MYEF2: variants seen among roughly 807,000 people sequenced by gnomAD.
MYEF2 encodes the protein myelin gene expression factor 2.
MYEF2 carries 37 observed loss-of-function variants against 75.2 expected under a neutral mutation model. That is an observed-to-expected ratio of 0.49 (90% CI 0.38 to 0.65). The LOEUF is 0.65. MYEF2 is among the 30% of genes least tolerant of loss of function. The probability of loss-of-function intolerance (pLI) is 0.00; values close to 1 mark genes in which losing one functional copy is unlikely to be tolerated. For missense variants in MYEF2, 634 were observed against 771.4 expected, an observed-to-expected ratio of 0.82 and a Z score of 2.11; for synonymous variants, 195 against 241.6, an observed-to-expected ratio of 0.81 and a Z score of 1.79.
At chr15:48,164,690 C>A (rs1473814214) in intron 5 of MYEF2, among the ~76,000 whole-genome samples, 1 of 152,070 alleles carries the variant, frequency 6.6e-6, no homozygotes, top group East Asian at 1.9e-4. Context: ...AACAGCCACC[C>A]CAAACTTTAG....
chr15:48,158,094 A>G (rs1472862614), intron 8 of MYEF2, 38 bp from the exon 9 acceptor site: 4 of 1,611,566 alleles, frequency 2.5e-6, no homozygotes, highest in Non-Finnish European at 3.4e-6. Context: ...TTAACATATT[A>G]CCACAAAGAA....
chr15:48,168,388 C>A (rs2140921621), intron 2 of MYEF2, among the ~76,000 whole-genome samples: 1 of 152,194 alleles, frequency 6.6e-6, no homozygotes, highest in East Asian at 1.9e-4. Context: ...TAACAAAATT[C>A]TTGGTGGCAT....
In MYEF2 at chr15:48,134,758, T is replaced by C; in HGVS notation, c.*8150A>G. 1.2e-6 allele frequency: 1 copy of C among 831,672 alleles called. No individual in the cohort carries two copies. Among genetic ancestry groups the C allele is most frequent in the Non-Finnish European group, 1.8e-6 (1 of 541,118 alleles). 51.5% of individuals were successfully genotyped at this position (831,672 alleles called of 1,614,324 possible). A position where few individuals can be genotyped will look rare whatever the true frequency, so the allele number is the denominator to read the frequency against. On this transcript the variant is annotated 3_prime_UTR_variant, in exon 17 of 17. Transcript: ENST00000324324. Reference sequence around the variant, plus strand: ...GTTAGAACACAATTTTACATTTTTTTCTCTAAGCAATATGCAAAAGATAAC... The same window carrying C: ...GTTAGAACACAATTTTACATTTTTTCCTCTAAGCAATATGCAAAAGATAAC...
rs927504821 is a variant in MYEF2 at position 48,149,903 on chromosome 15, C to A, written c.1379-532G>T. Reference sequence around the variant, plus strand: ...CTTATCTTTCACCTCAGCATCTTCACCTCTGTTTCCCAGTTTTTATTCTCA... The same window carrying A: ...CTTATCTTTCACCTCAGCATCTTCAACTCTGTTTCCCAGTTTTTATTCTCA... On this transcript the variant is annotated intron_variant, in intron 14 of 16. Coordinates refer to ENST00000324324, the MANE Select transcript of MYEF2 (RefSeq NM_016132.5). This position sits in a 1 kb window ranked among gnomAD's most constrained non-coding sequence, Gnocchi z 4.0. The A allele has an allele frequency of 6.6e-6, 1 of 152,332 alleles. No homozygotes were observed. The highest frequency in any genetic ancestry group is 1.5e-5 in the Non-Finnish European group (1 of 68,250). The allele number at this position is 152,332 out of a possible 1,614,324, so 9.4% of individuals were successfully genotyped here. A position where few individuals can be genotyped will look rare whatever the true frequency, so the allele number is the denominator to read the frequency against.
chr15:48,134,828 G>C lies in MYEF2; in HGVS notation c.*8080C>G. 7.8e-7 allele frequency: 1 copy of C among 1,285,402 alleles called. No individual in the cohort carries two copies. The highest frequency in any genetic ancestry group is 1.1e-6 in the Non-Finnish European group (1 of 895,788). 79.6% of individuals were successfully genotyped at this position (1,285,402 alleles called of 1,614,324 possible). ...ATAAACAATTTTAGTATTATACTAA[G>C]GATTGTACTTGAAGAAGTTACAATG... On this transcript the variant is annotated 3_prime_UTR_variant, in exon 17 of 17. Transcript: ENST00000324324.
At position 48,136,671 on chromosome 15, in the gene MYEF2, T is replaced by C. The variant is rs1160645439; in HGVS notation, c.*6237A>G. Reference sequence around the variant, plus strand: ...CACTTTTAATTTAAAAACACAAATTTCTCTTTTGTAGGTATGAAGGGGCTT... The same window carrying C: ...CACTTTTAATTTAAAAACACAAATTCCTCTTTTGTAGGTATGAAGGGGCTT... On this transcript the variant is annotated 3_prime_UTR_variant, in exon 17 of 17. Coordinates refer to ENST00000324324, the MANE Select transcript of MYEF2 (RefSeq NM_016132.5). 6.3e-7 allele frequency: 1 copy of C among 1,576,328 alleles called. No homozygotes were observed. The highest frequency in any genetic ancestry group is 8.6e-7 in the Non-Finnish European group (1 of 1,162,162).
At chr15:48,165,620 T>C (rs2040105673) in intron 5 of MYEF2, among the ~76,000 whole-genome samples, 1 of 152,002 alleles carries the variant, frequency 6.6e-6, no homozygotes, top group Non-Finnish European at 1.5e-5. Flanking sequence ...AAAATCTAAA[T>C]ATTGAAAATG....
chr15:48,177,300 G>C (rs1376073150), intron 1 of MYEF2, among the ~76,000 whole-genome samples: 1 of 151,950 alleles, frequency 6.6e-6, no homozygotes, highest in Non-Finnish European at 1.5e-5. Flanking sequence ...ATAGGCACTG[G>C]TGACAGCTGC....
intron 5 of MYEF2, 143 bp from the exon 6 acceptor site, chr15:48,159,947 G>C: frequency 1.2e-6 from 1 of 810,894 alleles, no homozygotes; most frequent in Non-Finnish European, 1.9e-6. Context: ...TTCTCATCCA[G>C]AGAATTGAGT....
chr15:48,139,043 A>C lies in MYEF2; in HGVS notation c.*3865T>G. 1 of 1,613,110 alleles carries C rather than the reference A, an allele frequency of 6.2e-7. No homozygotes were observed. Among genetic ancestry groups the C allele is most frequent in the Non-Finnish European group, 8.5e-7 (1 of 1,179,294 alleles). On this transcript the variant is annotated 3_prime_UTR_variant, in exon 17 of 17. Coordinates refer to ENST00000324324, the MANE Select transcript of MYEF2 (RefSeq NM_016132.5). Reference sequence around the variant, plus strand: ...TTGGGTATTATCCCTTCCTATTATTACATTACTTTTTCTAACCACACCAGA... The same window carrying C: ...TTGGGTATTATCCCTTCCTATTATTCCATTACTTTTTCTAACCACACCAGA...
chr15:48,172,168 G>C (rs1032265234), intron 1 of MYEF2, among the ~76,000 whole-genome samples: 6 of 152,144 alleles, frequency 3.9e-5, no homozygotes, highest in African/African-American at 1.4e-4. Flanking sequence ...GGGAGGCCAA[G>C]GCAGGTGGGT....
At chr15:48,143,195 A>G (rs2140789801) in intron 16 of MYEF2, 124 bp from the exon 17 acceptor site, 1 of 498,168 alleles carries the variant, frequency 2.0e-6, no homozygotes, top group East Asian at 3.7e-5. Flanking sequence ...ATTATTTAAA[A>G]TAAATAATAT....
At chr15:48,167,111 T>C (rs1241114491) in intron 3 of MYEF2, among the ~76,000 whole-genome samples, 1 of 151,952 alleles carries the variant, frequency 6.6e-6, no homozygotes, top group Non-Finnish European at 1.5e-5. Flanking sequence ...TAAGAAGAAG[T>C]ATTACCTTAG....
At chr15:48,143,157 G>T (rs2039146633) in intron 16 of MYEF2, 86 bp from the exon 17 acceptor site, 2 of 773,932 alleles carry the variant, frequency 2.6e-6, no homozygotes, top group Non-Finnish European at 3.6e-6. Context: ...ATAGCCAATT[G>T]TGATAATTAA....
At chr15:48,152,115 C>T (rs1050195309) in intron 11 of MYEF2, 119 bp downstream of exon 11, 1 of 1,202,578 alleles carries the variant, frequency 8.3e-7, no homozygotes, top group African/African-American at 1.5e-5. Context: ...CTGCTAGCAG[C>T]CTTTAGAACA....
chr15:48,169,958 T>C (rs1316092076), intron 1 of MYEF2: 1 of 152,164 alleles, frequency 6.6e-6, no homozygotes, highest in Non-Finnish European at 1.5e-5. Context: ...GTAATCACAA[T>C]GCAACTCTAT....
At chr15:48,144,156 A>G (rs866127964) in intron 16 of MYEF2, among the ~76,000 whole-genome samples, 5 of 152,042 alleles carry the variant, frequency 3.3e-5, no homozygotes, top group Non-Finnish European at 7.4e-5. Flanking sequence ...AGACATATTT[A>G]GTTCTAGGAA....
chr15:48,167,710 C>T (rs2040180302), intron 2 of MYEF2, among the ~76,000 whole-genome samples: 1 of 152,024 alleles, frequency 6.6e-6, no homozygotes. Context: ...GGTCCCTTAA[C>T]CTATCATATT....
At chr15:48,146,984 T>TG (rs1255609518) in intron 16 of MYEF2, among the ~76,000 whole-genome samples, 2 of 151,828 alleles carry the variant, frequency 1.3e-5, no homozygotes, top group African/African-American at 4.8e-5. Context: ...TGGTATTATC[T>TG]TAATATAAAA....
Sources: allele counts gnomAD v4.1 joint callset (sites outside exome capture counted in the v4.1 genomes callset), GRCh38; gene constraint gnomAD v4.1.1; non-coding constraint Gnocchi (gnomAD v3.1); transcripts MANE v1.5; gene names NCBI Gene and HGNC (gene_info 2026-07-23, HGNC 2026-07-21).